Variants in GLB1 observed in about 807,000 individuals in gnomAD.
GLB1 encodes the protein galactosidase beta 1.
Under a neutral mutation model 74.0 loss-of-function variants are expected in GLB1, and 56 were observed. The ratio of observed to expected loss-of-function variants is 0.76; its 90% CI spans 0.61 to 0.94. The LOEUF is 0.94. GLB1 is among the 40% of genes least tolerant of loss of function. The pLI, the probability that GLB1 is intolerant of heterozygous loss-of-function variation, is 0.00. For missense variants in GLB1, 787 were observed against 845.5 expected (o/e 0.93, Z 0.86); for synonymous variants, 323 against 323.6 (o/e 1.00, Z 0.02).
At position 33,068,927 on chromosome 3, in the gene GLB1, G is replaced by T. The variant is rs1303769828; in HGVS notation, c.289C>A (p.Gln97Lys). ...NFHEPWPGQY[Q>K]FSEDHDVEYF... is the part of the protein sequence containing the mutation. ...TCCACATCATGGTCCTCAGAAAACT[G>T]GTACTGTCCTGGCCAGGGCTCATGA... Residue 97 changes from glutamine (Q) to lysine (K), a missense_variant, in exon 3 of 16, where the codon CAG becomes AAG. By Grantham distance (53) the Gln-to-Lys change is moderately conservative. Coordinates refer to ENST00000307363, the MANE Select transcript of GLB1 (RefSeq NM_000404.4). 5.6e-6 allele frequency: 9 copies of T among 1,613,970 alleles called. No homozygotes were observed. The highest frequency in any genetic ancestry group is 7.6e-6 in the Non-Finnish European group (9 of 1,180,028).
chr3:33,090,844 A>C, intron 1 of GLB1: 2 of 985,464 alleles, frequency 2.0e-6, no homozygotes, highest in Non-Finnish European at 2.4e-6. Flanking sequence ...CAGTCAAGCA[A>C]GGACTTCAGA....
At chr3:33,089,069 T>C (rs1040926699) in intron 1 of GLB1, among the ~76,000 whole-genome samples, 7 of 152,216 alleles carry the variant, frequency 4.6e-5, no homozygotes, top group African/African-American at 1.7e-4. Flanking sequence ...CTGGGAAAAC[T>C]GGATATTCAC....
At chr3:32,965,965 G>T in the GLB1 span, among the ~76,000 whole-genome samples, 1 of 152,244 alleles carries the variant, frequency 6.6e-6, no homozygotes, top group Non-Finnish European at 1.5e-5. Context: ...CCTCTGCCTA[G>T]ATTTCAGAAG....
intron 15 of GLB1, among the ~76,000 whole-genome samples, chr3:33,008,930 A>C (rs978124438): frequency 6.6e-6 from 1 of 151,650 alleles, no homozygotes; most frequent in East Asian, 2.0e-4. Context: ...GACTGGCCTG[A>C]CCAACATGGA....
the GLB1 span, among the ~76,000 whole-genome samples, chr3:32,989,293 C>G: frequency 6.6e-6 from 1 of 152,152 alleles, no homozygotes; most frequent in Non-Finnish European, 1.5e-5. Context: ...AGAGAAAAAC[C>G]GAGAGTCATC....
In GLB1 at chr3:33,072,728, TG is replaced by T. The variant is rs1699930491; in HGVS notation, c.76-16del. On this transcript the variant is annotated splice_polypyrimidine_tract_variant and intron_variant, in intron 1 of 15. Coordinates refer to ENST00000307363, the MANE Select transcript of GLB1 (RefSeq NM_000404.4). The stretch of plus-strand genomic sequence containing the variant: ...TGGGTGGCATTCTACAGAGCAAGGA[TG>T]GGGTCACATGAGAACTTCCACCTTC... 2.5e-6 allele frequency: 4 copies of T among 1,614,034 alleles called. No homozygotes were observed. The Middle Eastern group carries it at 5.0e-4, about 201-fold the overall frequency.
In GLB1 at chr3:33,014,150, G is replaced by A. The variant is rs200062755; in HGVS notation, c.1640C>T (p.Thr547Met). 145 of 1,614,182 alleles carry A rather than the reference G, an allele frequency of 9.0e-5. No homozygotes were observed. The highest frequency in any genetic ancestry group is 1.8e-4 in the East Asian group (8 of 44,868). ...EAWAHNSSNY[T>M]LPAFYMGNFS... ...GTTCCCCATATAAAAGGCCGGGAGC[G>A]TGTAGTTGGATGAGTTGTGGGCCCA... is the stretch of plus-strand genomic sequence containing the variant. Residue 547 changes from threonine to methionine, a missense_variant, in exon 15 of 16, where the codon ACG becomes ATG. By Grantham distance (81) the Thr-to-Met change is moderately conservative. Coordinates refer to ENST00000307363, the MANE Select transcript of GLB1 (RefSeq NM_000404.4).
intron 1 of GLB1, chr3:33,091,560 T>C (rs1397547207): frequency 1.7e-5 from 17 of 985,366 alleles, no homozygotes; most frequent in Non-Finnish European, 1.9e-5. Context: ...ATTGAGTGTT[T>C]ACTGTGCACG....
Position 33,065,453 on chromosome 3 carries a change from C to T in GLB1, c.552+10G>A. 6.4e-7 allele frequency: 1 copy of T among 1,572,564 alleles called. No individual in the cohort carries two copies. On this transcript the variant is annotated intron_variant, in intron 5 of 15. Coordinates refer to ENST00000307363, the MANE Select transcript of GLB1 (RefSeq NM_000404.4). ...TCCCCCAATCCATCCATGCTCAACT[C>T]CAGGGTTACCTGCACTGTTATAACT...
intron 10 of GLB1, chr3:33,045,844 T>G: frequency 9.8e-7 from 1 of 1,016,726 alleles, no homozygotes; most frequent in Non-Finnish European, 1.3e-6. Flanking sequence ...TCTCACCATA[T>G]AAGAAGTGAA....
chr3:33,076,808 T>C (rs914835370), intron 1 of GLB1, among the ~76,000 whole-genome samples: 83 of 152,342 alleles, frequency 5.4e-4, no homozygotes, highest in African/African-American at 1.9e-3. Flanking sequence ...AACTCATTAC[T>C]ATGAAAAGTG....
the GLB1 span, among the ~76,000 whole-genome samples, chr3:32,972,211 A>G: frequency 6.6e-6 from 1 of 152,178 alleles, no homozygotes; most frequent in Non-Finnish European, 1.5e-5. Flanking sequence ...AATCATAACC[A>G]ATGAAACATC....
At chr3:32,972,410 A>C in the GLB1 span, among the ~76,000 whole-genome samples, 1 of 152,218 alleles carries the variant, frequency 6.6e-6, no homozygotes, top group African/African-American at 2.4e-5. Flanking sequence ...AGAATGTTCA[A>C]GTTAGCCCAT....
Position 33,096,907 on chromosome 3 carries a change from G to C in GLB1, c.75+104C>G. 4 of 1,518,976 alleles carry C rather than the reference G, an allele frequency of 2.6e-6. 1 individual carries two copies. The South Asian group carries it at 4.9e-5, about 19-fold the overall frequency. 94.1% of individuals were successfully genotyped at this position (1,518,976 alleles called of 1,614,324 possible). On this transcript the variant is annotated intron_variant, in intron 1 of 15. Coordinates refer to ENST00000307363, the MANE Select transcript of GLB1 (RefSeq NM_000404.4). ...CTGCTGGGGGGCACTTCGGGGCTCA[G>C]GCTCCCCGCCCTGCGGGACCGCGGG...
chr3:33,053,908 G>A (rs1430396904), intron 6 of GLB1, among the ~76,000 whole-genome samples: 1 of 152,190 alleles, frequency 6.6e-6, no homozygotes, highest in African/African-American at 2.4e-5. Flanking sequence ...AGCTACTCAG[G>A]AGGCTGAGGC....
At chr3:33,056,825 A>T (rs1699242670) in intron 6 of GLB1, among the ~76,000 whole-genome samples, 1 of 152,204 alleles carries the variant, frequency 6.6e-6, no homozygotes, top group Admixed American at 6.5e-5. Flanking sequence ...CTTTAAATAA[A>T]CACAATATAC....
the GLB1 span, among the ~76,000 whole-genome samples, chr3:32,969,578 T>G: frequency 6.6e-6 from 1 of 152,124 alleles, no homozygotes; most frequent in African/African-American, 2.4e-5. Flanking sequence ...TAGCTATGCT[T>G]CTCCTCCTGG....
chr3:33,054,296 C>CCCCATGGG (rs1699126668), intron 6 of GLB1, among the ~76,000 whole-genome samples: 1 of 152,176 alleles, frequency 6.6e-6, no homozygotes, highest in East Asian at 1.9e-4. Context: ...CCTTCCCACA[C>CCCCATGGG]CCCATGGGCC....
At chr3:33,081,321 G>A (rs937845090) in intron 1 of GLB1, among the ~76,000 whole-genome samples, 1 of 152,158 alleles carries the variant, frequency 6.6e-6, no homozygotes, top group African/African-American at 2.4e-5. Context: ...CTGGTAGGGT[G>A]TATTCTCCCA....
Sources: allele counts gnomAD v4.1 joint callset (sites outside exome capture counted in the v4.1 genomes callset), GRCh38; gene constraint gnomAD v4.1.1; transcripts MANE v1.5; gene names NCBI Gene and HGNC (gene_info 2026-07-23, HGNC 2026-07-21).